Variants in GPR149 observed in about 807,000 individuals in gnomAD.
GPR149 encodes the protein probable G protein-coupled receptor 149.
Under a neutral mutation model 50.2 loss-of-function variants are expected in GPR149, and 50 were observed. The ratio of observed to expected loss-of-function variants is 1.00; its 90% confidence interval spans 0.79 to 1.26. The LOEUF is 1.26. Among genes scored for constraint, GPR149 ranks in the 50% most tolerant of loss-of-function variants. The pLI is 0.00. For synonymous variants in GPR149, 405 were observed against 358.2 expected (o/e 1.13, Z -1.48); for missense variants, 983 against 895.4 (o/e 1.10, Z -1.25).
At chr3:154,361,837 A>T (rs939291381) in intron 3 of GPR149, among the ~76,000 whole-genome samples, 5 of 152,204 alleles carry the variant, frequency 3.3e-5, no homozygotes, top group African/African-American at 1.2e-4. Context: ...TATTCTTTAG[A>T]CATGTTGTTT....
intron 1 of GPR149, among the ~76,000 whole-genome samples, chr3:154,428,081 C>T (rs1712359443): frequency 6.6e-6 from 1 of 152,180 alleles, no homozygotes; most frequent in Non-Finnish European, 1.5e-5. Flanking sequence ...CGCCCATGCG[C>T]GCTCGTCACA....
intron 3 of GPR149, among the ~76,000 whole-genome samples, chr3:154,411,146 G>T (rs1050609130): frequency 6.6e-6 from 1 of 152,064 alleles, no homozygotes; most frequent in Non-Finnish European, 1.5e-5. Flanking sequence ...TGAACTGAAT[G>T]ATAATAGTGA....
rs553867948 is a variant in GPR149, at chr3:154,362,667, A to T, written c.1624-24396T>A. Among the ~76,000 whole-genome samples the T allele has an allele frequency of 3.3e-5, 5 of 152,296 alleles. No homozygotes were observed. The South Asian group carries it at 1.0e-3, about 32-fold the overall frequency. The stretch of plus-strand genomic sequence containing the variant: ...ATCAGAATGCATTCTTTGTAAGTGT[A>T]TCTGGGAAATGGCCTAAAGAGATCT... On this transcript the variant is annotated intron_variant, in intron 3 of 3. Coordinates refer to ENST00000389740, the MANE Select transcript of GPR149 (RefSeq NM_001038705.3).
chr3:154,337,207 A>C lies in GPR149; in HGVS notation c.*492T>G, dbSNP rs960416964. Among the ~76,000 whole-genome samples the C allele has an allele frequency of 6.6e-6, 1 of 152,248 alleles. No individual in the cohort carries two copies. Among genetic ancestry groups the C allele is most frequent in the African/African-American group, 2.4e-5 (1 of 41,474 alleles). The stretch of plus-strand genomic sequence containing the variant: ...TTACAGAAGAATGTAAAGCTAAAGC[A>C]GTAAGTGTAATAAGCTTGTTTTGCT... On this transcript the variant is annotated 3_prime_UTR_variant, in exon 4 of 4. Coordinates refer to ENST00000389740, the MANE Select transcript of GPR149 (RefSeq NM_001038705.3).
chr3:154,338,985 A>C (rs373859399), intron 3 of GPR149, among the ~76,000 whole-genome samples: 9 of 152,274 alleles, frequency 5.9e-5, no homozygotes, highest in African/African-American at 2.2e-4. Flanking sequence ...TACCACTGAG[A>C]GGTGCTTCAG....
At chr3:154,377,890 C>T (rs1714829201) in intron 3 of GPR149, among the ~76,000 whole-genome samples, 1 of 152,098 alleles carries the variant, frequency 6.6e-6, no homozygotes, top group Non-Finnish European at 1.5e-5. Context: ...CTGATAATCA[C>T]TGACATGCCT....
chr3:154,373,180 G>C (rs1164553534), intron 3 of GPR149, among the ~76,000 whole-genome samples: 1 of 152,110 alleles, frequency 6.6e-6, no homozygotes, highest in Non-Finnish European at 1.5e-5. Context: ...AGGAGGCTGA[G>C]AAAAAGTGGG....
intron 3 of GPR149, among the ~76,000 whole-genome samples, chr3:154,345,300 C>T (rs1713896482): frequency 6.6e-6 from 1 of 152,062 alleles, no homozygotes; most frequent in Non-Finnish European, 1.5e-5. Flanking sequence ...ATGATAGTTA[C>T]AAGTACATCA....
chr3:154,378,492 G>T (rs1474576722), intron 3 of GPR149, among the ~76,000 whole-genome samples: 1 of 152,154 alleles, frequency 6.6e-6, no homozygotes, highest in Admixed American at 6.5e-5. Flanking sequence ...CATTCATGTA[G>T]CTGCCTTTGT....
intron 2 of GPR149, among the ~76,000 whole-genome samples, chr3:154,425,252 T>C (rs562279402): frequency 3.9e-5 from 6 of 152,200 alleles, no homozygotes; most frequent in African/African-American, 1.2e-4. Flanking sequence ...CATTAACCTA[T>C]GATAAATATG....
intron 3 of GPR149, among the ~76,000 whole-genome samples, chr3:154,414,871 G>A (rs1306383928): frequency 1.3e-5 from 2 of 151,892 alleles, no homozygotes; most frequent in African/African-American, 4.8e-5. Context: ...TTGGAGGTAA[G>A]GAGACATAAA....
intron 3 of GPR149, among the ~76,000 whole-genome samples, chr3:154,369,182 T>G (rs1234199163): frequency 6.6e-6 from 1 of 152,120 alleles, no homozygotes; most frequent in East Asian, 1.9e-4. Context: ...GCACCATGCC[T>G]TCAAAACTGG....
At chr3:154,389,063 C>T (rs1429546047) in intron 3 of GPR149, among the ~76,000 whole-genome samples, 1 of 152,100 alleles carries the variant, frequency 6.6e-6, no homozygotes, top group Non-Finnish European at 1.5e-5. Context: ...CCAGGGCATT[C>T]ATCCATTCAT....
At chr3:154,388,053 T>C (rs1405010735) in intron 3 of GPR149, among the ~76,000 whole-genome samples, 1 of 152,194 alleles carries the variant, frequency 6.6e-6, no homozygotes, top group Non-Finnish European at 1.5e-5. Context: ...TTTTGCCTAT[T>C]TTGAATTGCA....
At chr3:154,368,114 A>T (rs967782531) in intron 3 of GPR149, among the ~76,000 whole-genome samples, 5 of 152,160 alleles carry the variant, frequency 3.3e-5, no homozygotes, top group Non-Finnish European at 7.3e-5. Flanking sequence ...AGTTATCAGT[A>T]GACATTCTAG....
chr3:154,427,908 G>A (rs1274219394), intron 1 of GPR149, among the ~76,000 whole-genome samples, 200 bp from the exon 2 acceptor site: 3 of 152,160 alleles, frequency 2.0e-5, no homozygotes, highest in Non-Finnish European at 4.4e-5. Context: ...GGTTGGGAGG[G>A]GTTTCAGCTT....
At chr3:154,369,602 C>A (rs775510429) in intron 3 of GPR149, among the ~76,000 whole-genome samples, 16 of 152,206 alleles carry the variant, frequency 1.1e-4, no homozygotes, top group Non-Finnish European at 1.8e-4. Flanking sequence ...GCCAGGCACC[C>A]AAACTATCTC....
intron 3 of GPR149, among the ~76,000 whole-genome samples, chr3:154,400,432 G>A (rs946646501): frequency 6.6e-6 from 1 of 152,170 alleles, no homozygotes; most frequent in African/African-American, 2.4e-5. Context: ...ACCTCGAAGA[G>A]GGTCTTAGTA....
chr3:154,406,525 T>G (rs1448134807), intron 3 of GPR149, among the ~76,000 whole-genome samples: 2 of 152,190 alleles, frequency 1.3e-5, no homozygotes, highest in Non-Finnish European at 2.9e-5. Flanking sequence ...ACAGAGTAGT[T>G]AAATTGACTA....
Sources: gnomAD v4.1 joint callset for allele counts (sites outside exome capture counted in the v4.1 genomes callset) on GRCh38, gnomAD v4.1.1 for gene constraint, MANE v1.5 for transcripts, NCBI Gene and HGNC (gene_info 2026-07-23, HGNC 2026-07-21) for gene names.